GFRA1: variants seen among roughly 807,000 people sequenced by gnomAD.
The protein encoded by GFRA1 is GDNF family receptor alpha 1.
GFRA1 carries 16 observed loss-of-function variants against 51.6 expected under a neutral mutation model. That is an observed-to-expected ratio of 0.31 (90% CI 0.21 to 0.47). The LOEUF (loss-of-function observed/expected upper bound fraction) is 0.47, where lower values mean the gene tolerates loss of function less well. Among genes scored for constraint, GFRA1 ranks in the 20% least tolerant of loss-of-function variants. The pLI is 1.00. For missense variants in GFRA1, 530 were observed against 594.3 expected (o/e 0.89, Z 1.13); for synonymous variants, 270 against 241.3 (o/e 1.12, Z -1.10).
intron 5 of GFRA1, among the ~76,000 whole-genome samples, chr10:116,204,361 T>C (rs754516086): frequency 3.2e-4 from 48 of 152,256 alleles, no homozygotes; most frequent in Admixed American, 9.2e-4. Context: ...CACAGGTCAG[T>C]GTACATGCAT....
intron 4 of GFRA1, among the ~76,000 whole-genome samples, chr10:116,240,024 G>A (rs956448737): frequency 5.3e-5 from 8 of 152,032 alleles, no homozygotes; most frequent in Non-Finnish European, 1.2e-4. Flanking sequence ...GAGGGAGAAA[G>A]GATATCTACA....
intron 6 of GFRA1, among the ~76,000 whole-genome samples, chr10:116,103,884 G>T (rs1239083406): frequency 2.6e-5 from 4 of 152,150 alleles, no homozygotes; most frequent in Non-Finnish European, 5.9e-5. Context: ...TGCAGGGGGT[G>T]TTATTTTGTG....
chr10:116,134,234 G>A (rs545516780), intron 5 of GFRA1, among the ~76,000 whole-genome samples: 2 of 152,296 alleles, frequency 1.3e-5, no homozygotes, highest in East Asian at 3.9e-4. Flanking sequence ...TTCTTTTTAA[G>A]GCTGCAGAAT....
At chr10:116,121,694 G>A (rs7920462) in intron 6 of GFRA1, among the ~76,000 whole-genome samples, 3 of 152,270 alleles carry the variant, frequency 2.0e-5, no homozygotes, top group Non-Finnish European at 2.9e-5. Context: ...GTGAGCTTTC[G>A]AAGAATATGG....
At chr10:116,155,220 G>T (rs1959177801) in intron 5 of GFRA1, among the ~76,000 whole-genome samples, 1 of 152,108 alleles carries the variant, frequency 6.6e-6, no homozygotes, top group Non-Finnish European at 1.5e-5. Flanking sequence ...AAAATAACTT[G>T]CCAAGGTCAC....
rs982947700 is a variant in GFRA1 at position 116,272,320 on chromosome 10, A to G, written c.-246-45T>C. ...TTGAGATGAGAGCGGAGAGCGCCGG[A>G]GACTCCCCCCACAGAACCCTCTCCC... On this transcript the variant is annotated intron_variant, in intron 1 of 10. Transcript: ENST00000355422. This position sits in a 1 kb window ranked among gnomAD's most constrained non-coding sequence, Gnocchi z 4.4. 2.0e-5 allele frequency: 11 copies of G among 538,732 alleles called. No individual in the cohort carries two copies. Among genetic ancestry groups the G allele is most frequent in the Non-Finnish European group, 3.7e-5 (11 of 299,006 alleles). The allele number at this position is 538,732 out of a possible 1,614,324, so 33.4% of individuals were successfully genotyped here. A position where few individuals can be genotyped will look rare whatever the true frequency, so the allele number is the denominator to read the frequency against.
intron 5 of GFRA1, among the ~76,000 whole-genome samples, chr10:116,210,850 G>C (rs1253462461): frequency 6.6e-6 from 1 of 151,816 alleles, no homozygotes; most frequent in African/African-American, 2.4e-5. Flanking sequence ...TTCCCAGCTT[G>C]ACTACAAACA....
At position 116,089,913 on chromosome 10, in the gene GFRA1, A is replaced by T. The variant is rs1385566926; in HGVS notation, c.1025T>A (p.Ile342Asn). Residue 342 changes from isoleucine to asparagine, a missense_variant, in exon 9 of 11, where the codon ATT (isoleucine) becomes AAT (asparagine). Ile to Asn is a moderately radical substitution (Grantham distance 149). Transcript: ENST00000355422. ...ATCGGAGCCATTGCCAAAGGCTTGAATTGCATTTTCTGCAGTAAAACAGGA... is the reference window on the plus strand; with the variant it reads ...ATCGGAGCCATTGCCAAAGGCTTGATTTGCATTTTCTGCAGTAAAACAGGA... ...FKDNTCLKNA[I>N]QAFGNGSDVT... is the part of the protein sequence containing the mutation. The T allele has an allele frequency of 6.2e-7, 1 of 1,613,060 alleles. No individual in the cohort carries two copies. The highest frequency in any genetic ancestry group is 1.1e-5 in the South Asian group (1 of 90,956).
intron 6 of GFRA1, among the ~76,000 whole-genome samples, chr10:116,103,469 C>T (rs1021502530): frequency 1.4e-4 from 21 of 152,174 alleles, no homozygotes; most frequent in Non-Finnish European, 2.9e-4. Flanking sequence ...TCAACTTTGA[C>T]CAAAACAAAT....
At chr10:116,160,804 C>T (rs1959686689) in intron 5 of GFRA1, among the ~76,000 whole-genome samples, 1 of 152,188 alleles carries the variant, frequency 6.6e-6, no homozygotes, top group Non-Finnish European at 1.5e-5. Context: ...TCTGAATATC[C>T]ACTCACATGC....
chr10:116,154,381 T>G (rs1258706846), intron 5 of GFRA1, among the ~76,000 whole-genome samples: 1 of 152,216 alleles, frequency 6.6e-6, no homozygotes, highest in African/African-American at 2.4e-5. Flanking sequence ...ATACAGCAAT[T>G]AAAATTAACA....
At chr10:116,149,204 G>T (rs557278251) in intron 5 of GFRA1, among the ~76,000 whole-genome samples, 1 of 152,270 alleles carries the variant, frequency 6.6e-6, no homozygotes, top group African/African-American at 2.4e-5. Context: ...TAACAATGAA[G>T]TCATTACTCT....
chr10:116,121,290 C>T (rs1396304381), intron 6 of GFRA1, among the ~76,000 whole-genome samples: 1 of 152,156 alleles, frequency 6.6e-6, no homozygotes, highest in African/African-American at 2.4e-5. Flanking sequence ...AGGGGAGGCA[C>T]TGCTTCGGGG....
At chr10:116,160,139 C>CTTTTGGT (rs1423805995) in intron 5 of GFRA1, among the ~76,000 whole-genome samples, 12 of 152,102 alleles carry the variant, frequency 7.9e-5, no homozygotes, top group Admixed American at 7.9e-4. Context: ...ATATAAAAGC[C>CTTTTGGT]TTTTGGTTTT....
intron 5 of GFRA1, among the ~76,000 whole-genome samples, chr10:116,149,149 A>G (rs1382089108): frequency 6.6e-6 from 1 of 152,216 alleles, no homozygotes; most frequent in African/African-American, 2.4e-5. Flanking sequence ...GAGATGTTAT[A>G]GCCAATTATT....
At position 116,136,023 on chromosome 10, in the gene GFRA1, C is replaced by T. The variant is rs539731184; in HGVS notation, c.434-10466G>A. 3.4e-3 allele frequency among the ~76,000 whole-genome samples: 523 copies of T among 152,240 alleles called. 3 individuals are homozygous for T. The highest frequency in any genetic ancestry group is 0.012 in the African/African-American group (513 of 41,538). On this transcript the variant is annotated intron_variant, in intron 5 of 10. Transcript: ENST00000355422. Reference sequence around the variant, plus strand: ...TTTTTTCCCCCCAATCTCAGATAATCTTTATAACATCCCAAAATGCCTATT... The same window carrying T: ...TTTTTTCCCCCCAATCTCAGATAATTTTTATAACATCCCAAAATGCCTATT...
At chr10:116,147,470 C>T (rs1318381982) in intron 5 of GFRA1, among the ~76,000 whole-genome samples, 2 of 152,100 alleles carry the variant, frequency 1.3e-5, no homozygotes, top group Admixed American at 6.5e-5. Flanking sequence ...CTGGAAGACA[C>T]TAGCTTATGC....
At chr10:116,237,336 CAT>C (rs760741845) in intron 4 of GFRA1, among the ~76,000 whole-genome samples, 13 of 152,236 alleles carry the variant, frequency 8.5e-5, no homozygotes, top group Non-Finnish European at 1.6e-4. Flanking sequence ...ATGATGAACA[CAT>C]GAGTTCTTCT....
At chr10:116,236,281 G>A (rs3781554) in intron 4 of GFRA1, among the ~76,000 whole-genome samples, 22,592 of 151,958 alleles carry the variant, frequency 0.15, 2,067 homozygotes, top group African/African-American at 0.26. Context: ...TATAGGCCCT[G>A]AAGACACTGC....
Sources: allele counts gnomAD v4.1 joint callset (sites outside exome capture counted in the v4.1 genomes callset), GRCh38; gene constraint gnomAD v4.1.1; non-coding constraint Gnocchi (gnomAD v3.1); transcripts MANE v1.5; gene names NCBI Gene and HGNC (gene_info 2026-07-23, HGNC 2026-07-21).